ZNF66: variants seen among roughly 807,000 people sequenced by gnomAD.
The protein encoded by ZNF66 is zinc finger protein 66.
In ZNF66, 32 loss-of-function variants were observed where a neutral mutation model predicts 35.2. That is an observed-to-expected ratio of 0.91 (90% CI 0.69 to 1.22). The LOEUF is 1.22. Among genes scored for constraint, ZNF66 ranks in the 50% most tolerant of loss-of-function variants. The probability of loss-of-function intolerance (pLI) is 0.00; values close to 1 mark genes in which losing one functional copy is unlikely to be tolerated. For synonymous variants in ZNF66, 231 were observed against 181.3 expected, an observed-to-expected ratio of 1.27 and a Z score of -2.20; for missense variants, 666 against 543.1, an observed-to-expected ratio of 1.23 and a Z score of -2.25.
At chr19:20,794,870 C>CTTTTTT (rs59063566) in intron 3 of ZNF66, among the ~76,000 whole-genome samples, 21 of 130,924 alleles carry the variant, frequency 1.6e-4, no homozygotes, top group Non-Finnish European at 2.4e-4. Flanking sequence ...CAACCAGCAA[C>CTTTTTT]TTTTTTTTTT....
At chr19:20,803,173 A>G (rs913415497) in intron 3 of ZNF66, among the ~76,000 whole-genome samples, 3 of 132,392 alleles carry the variant, frequency 2.3e-5, no homozygotes, top group Admixed American at 2.2e-4. Flanking sequence ...AAATTTTTTA[A>G]TAAACCTTTT....
chr19:20,776,859 A>G (rs1971199959), intron 1 of ZNF66, among the ~76,000 whole-genome samples: 1 of 152,140 alleles, frequency 6.6e-6, no homozygotes, highest in African/African-American at 2.4e-5. Context: ...TCAAGCCTGT[A>G]ATCCCCGCAC....
intron 2 of ZNF66, among the ~76,000 whole-genome samples, chr19:20,793,332 CTTTT>C (rs781748526): frequency 6.5e-4 from 55 of 84,618 alleles, no homozygotes; most frequent in African/African-American, 2.5e-3. Context: ...CTTTTCTTTT[CTTTT>C]TTTTTTTTTT....
intron 1 of ZNF66, among the ~76,000 whole-genome samples, chr19:20,789,899 A>G (rs1379839086): frequency 2.6e-5 from 4 of 152,124 alleles, no homozygotes; most frequent in Admixed American, 2.6e-4. Context: ...TTTTTAAAAT[A>G]CAGACTTATT....
chr19:20,776,360 T>C lies in ZNF66; in HGVS notation c.-88T>C. 1 of 1,501,746 alleles carries C rather than the reference T, an allele frequency of 6.7e-7. No homozygotes were observed. The allele number at this position is 1,501,746 out of a possible 1,614,324, so 93.0% of individuals were successfully genotyped here. On this transcript the variant is annotated 5_prime_UTR_variant, in exon 1 of 4. Coordinates refer to ENST00000344519, the MANE Select transcript of ZNF66 (RefSeq NM_001355197.2). ...CTGTTCACTGCTCTCTGTCTTCTTCTCCTAGAGGCCCAGCCTCTGTGGCCC... is the reference window on the plus strand; with the variant it reads ...CTGTTCACTGCTCTCTGTCTTCTTCCCCTAGAGGCCCAGCCTCTGTGGCCC...
At chr19:20,783,769 T>C (rs1216535005) in intron 1 of ZNF66, among the ~76,000 whole-genome samples, 2 of 152,248 alleles carry the variant, frequency 1.3e-5, no homozygotes, top group Non-Finnish European at 2.9e-5. Context: ...GAATCTGTAG[T>C]TGTACCTTGT....
intron 3 of ZNF66, among the ~76,000 whole-genome samples, chr19:20,801,870 C>CATT (rs1356108591): frequency 1.4e-5 from 2 of 140,084 alleles, no homozygotes; most frequent in South Asian, 2.2e-4. Flanking sequence ...ATCAAGTAAT[C>CATT]GGCCCACCTT....
chr19:20,786,320 C>G (rs112070166), intron 1 of ZNF66, among the ~76,000 whole-genome samples: 100 of 152,306 alleles, frequency 6.6e-4, no homozygotes, highest in African/African-American at 2.3e-3. Context: ...ACAAACTTCA[C>G]GGGCAGCAAT....
At chr19:20,778,011 T>G (rs10401248) in intron 1 of ZNF66, among the ~76,000 whole-genome samples, 14,163 of 152,216 alleles carry the variant, frequency 0.093, 677 homozygotes, top group Middle Eastern at 0.11. Flanking sequence ...TTTATTTTGA[T>G]TTCTGAGTTA....
At chr19:20,790,259 A>G (rs980767869) in intron 1 of ZNF66, among the ~76,000 whole-genome samples, 7 of 152,228 alleles carry the variant, frequency 4.6e-5, no homozygotes, top group African/African-American at 1.7e-4. Context: ...CCCTCCCCAC[A>G]GGTTCTGTTT....
intron 1 of ZNF66, among the ~76,000 whole-genome samples, chr19:20,782,816 G>A (rs1971256560): frequency 6.8e-6 from 1 of 146,110 alleles, no homozygotes; most frequent in African/African-American, 2.6e-5. Flanking sequence ...CATTCTGTAG[G>A]TTGTCTTTTT....
intron 3 of ZNF66, among the ~76,000 whole-genome samples, chr19:20,802,431 C>G (rs1439166187): frequency 6.6e-6 from 1 of 152,080 alleles, no homozygotes; most frequent in Non-Finnish European, 1.5e-5. Context: ...TGCACACAGC[C>G]CAGTTTTCTG....
chr19:20,806,597 A>G lies in ZNF66; in HGVS notation c.997A>G (p.Arg333Gly), dbSNP rs1971514019. 1 of 1,593,862 alleles carries G rather than the reference A, an allele frequency of 6.3e-7. No homozygotes were observed. Among genetic ancestry groups the G allele is most frequent in the Non-Finnish European group, 8.6e-7 (1 of 1,162,816 alleles). The change falls in exon 4 of 4, where the codon AGA becomes GGA. Residue 333 changes from arginine to glycine, a missense_variant. Transcript: ENST00000344519. ...GTCCTCACACCTTACTACACATAAG[A>G]GAATTCATACTGGAGAGAAACCCTA... ...NWSSHLTTHKRIHTGEKPYKC... is the reference protein window; with the variant it reads ...NWSSHLTTHKGIHTGEKPYKC...
intron 1 of ZNF66, among the ~76,000 whole-genome samples, chr19:20,786,610 A>G (rs1971289426): frequency 6.6e-6 from 1 of 152,226 alleles, no homozygotes; most frequent in Non-Finnish European, 1.5e-5. Context: ...TGAAAAATGC[A>G]AGTCCTTTTG....
chr19:20,794,137 A>T (rs1193773740), intron 3 of ZNF66: 2 of 557,604 alleles, frequency 3.6e-6, no homozygotes, highest in Admixed American at 2.6e-5. Flanking sequence ...AGTGAGAGCC[A>T]AAGTCCTCTT....
chr19:20,806,942 A>G lies in ZNF66; in HGVS notation c.1342A>G (p.Thr448Ala). ...TCTTACTACACATAAGATAATTCAC[A>G]CTGGAGAGAAACCCTACGAATGTGA... The part of the protein sequence containing the change: ...SILTTHKIIH[T>A]GEKPYECEDC... The change falls in exon 4 of 4, where the codon ACT becomes GCT. Residue 448 changes from threonine (T) to alanine (A), a missense_variant. Transcript: ENST00000344519. 1 of 1,163,924 alleles carries G rather than the reference A, an allele frequency of 8.6e-7. No individual in the cohort carries two copies. 72.1% of individuals were successfully genotyped at this position (1,163,924 alleles called of 1,614,324 possible).
Position 20,793,841 on chromosome 19 carries a change from G to A in ZNF66, c.189G>A (p.Ser63=), listed in dbSNP as rs752532071. ...ATCTGGAGCAAGGAAAAAAACCTTCGACTATGCAGAGACATGAGATGGTAG... is the reference window on the plus strand; with the variant it reads ...ATCTGGAGCAAGGAAAAAAACCTTCAACTATGCAGAGACATGAGATGGTAG... The part of the protein sequence containing the change: ...ITHLEQGKKP[S]TMQRHEMVAN... Residue 63 remains serine (S), a synonymous_variant, in exon 3 of 4, where the codon TCG becomes TCA. Transcript: ENST00000344519. The A allele has an allele frequency of 3.4e-4, 394 of 1,171,746 alleles. 3 individuals carry two copies. The highest frequency in any genetic ancestry group is 7.7e-5 in the East Asian group (3 of 38,722). The allele number at this position is 1,171,746 out of a possible 1,614,324, so 72.6% of individuals were successfully genotyped here.
rs142052913 is a variant in ZNF66 at position 20,797,189 on chromosome 19, A to ATTTTTTTTTTTT, written c.226+3336_226+3347dup. Among the ~76,000 whole-genome samples the ATTTTTTTTTTTT allele has an allele frequency of 4.8e-4, 22 of 45,480 alleles. 3 individuals carry two copies. Among genetic ancestry groups the ATTTTTTTTTTTT allele is most frequent in the Non-Finnish European group, 6.2e-4 (15 of 24,166 alleles). The allele number at this position is 45,480 out of a possible 152,430, so 29.8% of individuals were successfully genotyped here. ...ATAATGCATCAATGTTGCATGCTAG[A>ATTTTTTTTTTTT]TTTTTTTTTTTTTTTTTTTTTTTTT... On this transcript the variant is annotated intron_variant, in intron 3 of 3. Coordinates refer to ENST00000344519, the MANE Select transcript of ZNF66 (RefSeq NM_001355197.2).
At chr19:20,790,993 C>T (rs28809326) in intron 1 of ZNF66, among the ~76,000 whole-genome samples, 14,173 of 152,150 alleles carry the variant, frequency 0.093, 675 homozygotes, top group Middle Eastern at 0.11. Context: ...ACTTCTTATA[C>T]GCCATGCAGA....
Sources: gnomAD v4.1 joint callset for allele counts (sites outside exome capture counted in the v4.1 genomes callset) on GRCh38, gnomAD v4.1.1 for gene constraint, MANE v1.5 for transcripts, NCBI Gene and HGNC (gene_info 2026-07-23, HGNC 2026-07-21) for gene names.